The following ASPHD1 variants were observed in gnomAD, a reference collection of about 807,000 sequenced individuals.
The protein encoded by ASPHD1 is aspartate beta-hydroxylase domain containing 1, also known as aspartate beta-hydroxylase domain-containing protein 1.
ASPHD1 carries 20 observed loss-of-function variants against 28.3 expected under a neutral mutation model. That is an observed-to-expected ratio of 0.71 (90% confidence interval 0.50 to 1.03). ASPHD1 has a LOEUF of 1.03. ASPHD1 is among the 50% of genes least tolerant of loss of function. The pLI is 0.00. For synonymous variants in ASPHD1, 240 were observed against 221.2 expected (o/e 1.08, Z -0.75); for missense variants, 479 against 524.1 (o/e 0.91, Z 0.84).
chr16:29,917,173 G>A (rs2068824622), intron 3 of ASPHD1, among the ~76,000 whole-genome samples: 1 of 152,128 alleles, frequency 6.6e-6, no homozygotes, highest in Non-Finnish European at 1.5e-5. Context: ...TGGAAACCAG[G>A]AGGCAAGAAC....
intron 1 of ASPHD1, 74 bp from the exon 2 acceptor site, chr16:29,904,778 T>C: frequency 1.1e-6 from 1 of 917,156 alleles, no homozygotes; most frequent in East Asian, 2.5e-5. Context: ...TTAGAGCTAG[T>C]TGCTAATTGA....
At chr16:29,908,873 T>C (rs2068658124), downstream of ASPHD1, among the ~76,000 whole-genome samples, 1 of 151,774 alleles carries the variant, frequency 6.6e-6, no homozygotes, top group Admixed American at 6.6e-5. Flanking sequence ...TTTTTTATTT[T>C]TTGTAGAGAT....
rs377384589 is a variant in ASPHD1 at position 29,912,055 on chromosome 16, G to A, written c.*62+6096G>A. ...GACAGCGTCTCCCTTTTTTGCTGGG[G>A]AAGAAGCGGAAGGTGGTTAACAGCA... On this transcript the variant is annotated intron_variant and NMD_transcript_variant, in intron 3 of 3. Coordinates refer to the ASPHD1 transcript ENST00000414952. 25 of 1,587,386 alleles carry A rather than the reference G, an allele frequency of 1.6e-5. No individual in the cohort carries two copies. In the African/African-American group the frequency reaches 3.0e-4, roughly 19 times the overall value.
At chr16:29,912,082 AAC>A (rs1339678502) in intron 3 of ASPHD1, 3 of 1,459,194 alleles carry the variant, frequency 2.1e-6, no homozygotes, top group Non-Finnish European at 2.8e-6. Flanking sequence ...TTAACAGCAC[AAC>A]CAAAGGCCAC....
At chr16:29,905,106 A>G (rs1055902692) in intron 2 of ASPHD1, 141 bp downstream of exon 2, 21 of 605,788 alleles carry the variant, frequency 3.5e-5, no homozygotes, top group Non-Finnish European at 5.2e-5. Context: ...AACAAGCCGC[A>G]TAACTTCTCC....
chr16:29,911,402 C>T lies in ASPHD1; in HGVS notation c.*62+5443C>T, dbSNP rs142098164. On this transcript the variant is annotated intron_variant and NMD_transcript_variant, in intron 3 of 3. Coordinates refer to the ASPHD1 transcript ENST00000414952. ...CAGCACAGCAGCTCCAGTGAGGGAC[C>T]GGGAGCCAGGCCACCTCCCCGGGGG... is the stretch of plus-strand genomic sequence containing the variant. 7.9e-3 allele frequency: 4,488 copies of T among 566,308 alleles called. 32 individuals carry two copies. Among genetic ancestry groups the T allele is most frequent in the Non-Finnish European group, 0.01 (3,331 of 320,988 alleles). 35.1% of individuals were successfully genotyped at this position (566,308 alleles called of 1,614,324 possible). A position where few individuals can be genotyped will look rare whatever the true frequency, so the allele number is the denominator to read the frequency against.
In ASPHD1 at chr16:29,905,994, CG is replaced by C; in HGVS notation, c.*102del. The C allele has an allele frequency of 5.4e-6, 2 of 372,862 alleles. No individual in the cohort carries two copies. Among genetic ancestry groups the C allele is most frequent in the Non-Finnish European group, 1.1e-5 (2 of 182,890 alleles). 23.1% of individuals were successfully genotyped at this position (372,862 alleles called of 1,614,324 possible). On this transcript the variant is annotated 3_prime_UTR_variant, in exon 3 of 3. Coordinates refer to ENST00000308748, the MANE Select transcript of ASPHD1 (RefSeq NM_181718.4). The stretch of plus-strand genomic sequence containing the variant: ...ACCTCCTCTCTACTGCGGGGGTGGG[CG>C]GGGGCGGAGGATGGGAACTGGCTAG...
chr16:29,915,695 G>GACA (rs776245068), intron 3 of ASPHD1, among the ~76,000 whole-genome samples: 1 of 152,068 alleles, frequency 6.6e-6, no homozygotes, highest in African/African-American at 2.4e-5. Context: ...GACGCTGAAA[G>GACA]ACAACACCTT....
At chr16:29,903,740 G>A (rs961393531) in intron 1 of ASPHD1, among the ~76,000 whole-genome samples, 4 of 151,748 alleles carry the variant, frequency 2.6e-5, no homozygotes, top group African/African-American at 2.4e-5. Context: ...CCCTTCCCCC[G>A]TACCACCTCC....
chr16:29,915,026 A>G (rs1305767211), intron 3 of ASPHD1: 1 of 152,052 alleles, frequency 6.6e-6, no homozygotes, highest in Non-Finnish European at 1.5e-5. Flanking sequence ...TAAGTCATAC[A>G]TATAAGTCAC....
In ASPHD1 at chr16:29,901,358, C is replaced by G. The variant is rs1162936421; in HGVS notation, c.387C>G (p.Ser129Arg). 12 of 1,596,698 alleles carry G rather than the reference C, an allele frequency of 7.5e-6. No homozygotes were observed. In the South Asian group the frequency reaches 1.2e-4, roughly 16 times the overall value. Residue 129 changes from serine to arginine, a missense_variant, in exon 1 of 3, where the codon AGC (serine) becomes AGG (arginine). Coordinates refer to ENST00000308748, the MANE Select transcript of ASPHD1 (RefSeq NM_181718.4). This position sits in a 1 kb window ranked among gnomAD's most constrained non-coding sequence, Gnocchi z 5.1. The part of the protein sequence containing the change: ...PVGCSEAGGP[S>R]PGGPGDPGEG... Reference sequence around the variant, plus strand: ...GATGCTCGGAGGCCGGCGGGCCAAGCCCAGGGGGTCCTGGGGATCCCGGGG... The same window carrying G: ...GATGCTCGGAGGCCGGCGGGCCAAGGCCAGGGGGTCCTGGGGATCCCGGGG...
At chr16:29,911,092 G>A in intron 3 of ASPHD1, 3 of 1,614,212 alleles carry the variant, frequency 1.9e-6, no homozygotes, top group Non-Finnish European at 2.5e-6. Flanking sequence ...GGACATCCTT[G>A]AGGAAGAGTA....
At chr16:29,915,981 A>ACT (rs977686955) in intron 3 of ASPHD1, among the ~76,000 whole-genome samples, 5 of 151,208 alleles carry the variant, frequency 3.3e-5, no homozygotes, top group Non-Finnish European at 4.4e-5. Flanking sequence ...TCTTTAACTT[A>ACT]CTCTCTCCTC....
At chr16:29,902,254 C>T (rs1340015898) in intron 1 of ASPHD1, among the ~76,000 whole-genome samples, 1 of 152,176 alleles carries the variant, frequency 6.6e-6, no homozygotes. Flanking sequence ...CACAGTGAGA[C>T]CTTGTCTCTA....
At chr16:29,906,636 T>A (rs181906445), downstream of ASPHD1, 175 of 668,192 alleles carry the variant, frequency 2.6e-4, 1 homozygote, top group East Asian at 5.0e-3. Context: ...AGGGCCAGGG[T>A]GGGGACAAGT....
In ASPHD1 at chr16:29,901,017, A is replaced by G. The variant is rs766267066; in HGVS notation, c.46A>G (p.Lys16Glu). 6.4e-7 allele frequency: 1 copy of G among 1,572,042 alleles called. No homozygotes were observed. The highest frequency in any genetic ancestry group is 2.3e-5 in the East Asian group (1 of 42,652). Reference sequence around the variant, plus strand: ...CTTCAGCGTGGAGAGAGGACCGCGGAAGGAGAGAGAGACAGCCCAGAGTGG... The same window carrying G: ...CTTCAGCGTGGAGAGAGGACCGCGGGAGGAGAGAGAGACAGCCCAGAGTGG... ...GSFSVERGPRKERETAQSGMW... is the reference protein window; with the variant it reads ...GSFSVERGPREERETAQSGMW... The change falls in exon 1 of 3, where the codon AAG becomes GAG. Residue 16 changes from lysine (K) to glutamate (E), a missense_variant. Lys to Glu is a moderately conservative substitution (Grantham distance 56, BLOSUM62 1). Transcript: ENST00000308748. The surrounding 1 kb of genome is among the most constrained non-coding windows in gnomAD (Gnocchi z 5.1).
chr16:29,901,306 C>G lies in ASPHD1; in HGVS notation c.335C>G (p.Ala112Gly). Residue 112 changes from alanine (A) to glycine (G), a missense_variant, in exon 1 of 3, where the codon GCT (alanine) becomes GGT (glycine). Physicochemically the swap from Ala to Gly is moderately conservative, Grantham distance 60. Transcript: ENST00000308748. The surrounding 1 kb of genome is among the most constrained non-coding windows in gnomAD (Gnocchi z 5.1). ...CAGGCCCTAGGGGCTGGGAGCCGAG[C>G]TGGGGGTGTTCGTGGTGGGCCTGTG... Reference protein sequence around the residue: ...DMQALGAGSRAGGVRGGPVGC... With the variant: ...DMQALGAGSRGGGVRGGPVGC... The G allele has an allele frequency of 2.5e-6, 4 of 1,611,260 alleles. No homozygotes were observed. The highest frequency in any genetic ancestry group is 3.4e-6 in the Non-Finnish European group (4 of 1,179,316).
At chr16:29,911,461 T>TA in intron 3 of ASPHD1, 1 of 559,836 alleles carries the variant, frequency 1.8e-6, no homozygotes, top group Non-Finnish European at 3.2e-6. Flanking sequence ...TGGGTGACAC[T>TA]AGGCAAGTTA....
downstream of ASPHD1, chr16:29,910,847 T>G (rs2068694188): frequency 4.0e-6 from 3 of 752,358 alleles, no homozygotes; most frequent in Non-Finnish European, 6.5e-6. Flanking sequence ...CCCACTGTTG[T>G]GCACCCCAGA....
Sources: gnomAD v4.1 joint callset for allele counts (sites outside exome capture counted in the v4.1 genomes callset) on GRCh38, gnomAD v4.1.1 for gene constraint, Gnocchi (gnomAD v3.1) non-coding constraint, MANE v1.5 for transcripts, NCBI Gene and HGNC (gene_info 2026-07-23, HGNC 2026-07-21) for gene names.